TSPAN2: variants seen among roughly 807,000 people sequenced by gnomAD.
The protein encoded by TSPAN2 is tetraspanin 2.
In TSPAN2, 24 loss-of-function variants were observed where a neutral mutation model predicts 33.3. That is an observed-to-expected ratio of 0.72 (90% CI 0.52 to 1.01). The LOEUF (loss-of-function observed/expected upper bound fraction) is 1.01. Among genes scored for constraint, TSPAN2 ranks in the 50% least tolerant of loss-of-function variants. TSPAN2 has a pLI of 0.00. For missense variants in TSPAN2, 278 were observed against 281.3 expected, an observed-to-expected ratio of 0.99 and a Z score of 0.08; for synonymous variants, 114 against 104.5, an observed-to-expected ratio of 1.09 and a Z score of -0.56.
At chr1:115,070,924 A>G (rs996355686) in intron 2 of TSPAN2, among the ~76,000 whole-genome samples, 1 of 152,224 alleles carries the variant, frequency 6.6e-6, no homozygotes, top group Non-Finnish European at 1.5e-5. Context: ...AGCAGAGCCC[A>G]GGACTGTGAA....
chr1:115,072,013 TG>T (rs948861556), intron 2 of TSPAN2, among the ~76,000 whole-genome samples: 1 of 152,194 alleles, frequency 6.6e-6, no homozygotes, highest in African/African-American at 2.4e-5. Context: ...ACTCTATGGC[TG>T]GTGCAGATCC....
At chr1:115,080,465 G>A (rs1224048827) in intron 1 of TSPAN2, among the ~76,000 whole-genome samples, 1 of 152,094 alleles carries the variant, frequency 6.6e-6, no homozygotes, top group Non-Finnish European at 1.5e-5. Flanking sequence ...GGTAGAGATG[G>A]GGCCTTACTT....
At chr1:115,050,833 G>C (rs1213964645) in intron 7 of TSPAN2, among the ~76,000 whole-genome samples, 1 of 152,168 alleles carries the variant, frequency 6.6e-6, no homozygotes, top group Non-Finnish European at 1.5e-5. Context: ...CTGAATACCT[G>C]TGAAAGACAG....
rs964312000 is a variant in TSPAN2, at chr1:115,049,344, G to A, written c.*1146C>T. 3.3e-5 allele frequency: 5 copies of A among 152,576 alleles called. No homozygotes were observed. The highest frequency in any genetic ancestry group is 9.7e-5 in the African/African-American group (4 of 41,438). 9.5% of individuals were successfully genotyped at this position (152,576 alleles called of 1,614,324 possible). A position where few individuals can be genotyped will look rare whatever the true frequency, so the allele number is the denominator to read the frequency against. ...TGCCCACACACAACTAGGAGAAGATGCTTTTCTTTATTTTGGTTTGGCCAA... is the reference window on the plus strand; with the variant it reads ...TGCCCACACACAACTAGGAGAAGATACTTTTCTTTATTTTGGTTTGGCCAA... On this transcript the variant is annotated 3_prime_UTR_variant, in exon 8 of 8. Transcript: ENST00000369516.
In TSPAN2 at chr1:115,058,966, G is replaced by A; in HGVS notation, c.361C>T (p.Gln121Ter). 2 of 1,613,706 alleles carry A rather than the reference G, an allele frequency of 1.2e-6. No individual in the cohort carries two copies. Among genetic ancestry groups the A allele is most frequent in the Non-Finnish European group, 1.7e-6 (2 of 1,179,790 alleles). ...IGKGVAIRHV[Q>*]TMYEEAYNDY... ...TTGTAAGCCTCTTCATACATGGTCT[G>A]AACATGTCGGATAGCCTGAAGAAAT... Residue 121 changes from glutamine to a stop codon, truncating the protein, a stop_gained, in exon 5 of 8, where the codon CAG (glutamine) becomes TAG (stop). Transcript: ENST00000369516. LOFTEE classifies it high-confidence loss of function.
rs558109424 is a variant in TSPAN2, at chr1:115,058,904, T to A, written c.423A>T (p.Thr141=). Residue 141 remains threonine (T), a synonymous_variant, in exon 5 of 8, where the codon ACA becomes ACT. Transcript: ENST00000369516. ...YLKDRGKGNG[T]LITFHSTFQC... Reference sequence around the variant, plus strand: ...TCACTGTTGAGTGGAAGGTGATGAGTGTCCCATTGCCTTTTCCCCTGTCTT... The same window carrying A: ...TCACTGTTGAGTGGAAGGTGATGAGAGTCCCATTGCCTTTTCCCCTGTCTT... 6.2e-7 allele frequency: 1 copy of A among 1,613,702 alleles called. No individual in the cohort carries two copies. The highest frequency in any genetic ancestry group is 1.1e-5 in the South Asian group (1 of 91,082).
chr1:115,053,337 C>A (rs774670222), intron 7 of TSPAN2, 42 bp downstream of exon 7: 10 of 1,572,232 alleles, frequency 6.4e-6, no homozygotes, highest in Non-Finnish European at 8.8e-6. Flanking sequence ...AGTTTCAAGG[C>A]TTTTTAGAGG....
chr1:115,072,983 A>T lies in TSPAN2; in HGVS notation c.94T>A (p.Phe32Ile), dbSNP rs1322963448. The change falls in exon 2 of 8, where the codon TTT becomes ATT. Residue 32 changes from phenylalanine to isoleucine, a missense_variant. By Grantham distance (21) the Phe-to-Ile change is conservative. Transcript: ENST00000369516. ...CCTCCGAACCGAAACCATAGTCCAAAAGCAATGACGGCCGATCCAGCCAGC... is the reference window on the plus strand; with the variant it reads ...CCTCCGAACCGAAACCATAGTCCAATAGCAATGACGGCCGATCCAGCCAGC... ...FWLAGSAVIA[F>I]GLWFRFGGAI... 1 of 1,614,156 alleles carries T rather than the reference A, an allele frequency of 6.2e-7. No individual in the cohort carries two copies. The highest frequency in any genetic ancestry group is 1.1e-5 in the South Asian group (1 of 91,080).
chr1:115,066,231 T>C (rs1008228678), intron 2 of TSPAN2, among the ~76,000 whole-genome samples: 3 of 152,202 alleles, frequency 2.0e-5, no homozygotes, highest in East Asian at 1.9e-4. Context: ...GTCTCTTTGA[T>C]TTACTGATTT....
At chr1:115,062,721 T>G (rs1215722242) in intron 2 of TSPAN2, among the ~76,000 whole-genome samples, 1 of 152,246 alleles carries the variant, frequency 6.6e-6, no homozygotes. Context: ...GGTCTCTATT[T>G]CATTTTTTGC....
Position 115,053,398 on chromosome 1 carries a change from A to G in TSPAN2, c.581T>C (p.Ile194Thr), listed in dbSNP as rs1309006990. 4 of 1,614,014 alleles carry G rather than the reference A, an allele frequency of 2.5e-6. No homozygotes were observed. Among genetic ancestry groups the G allele is most frequent in the Non-Finnish European group, 3.4e-6 (4 of 1,179,914 alleles). The change falls in exon 7 of 8, where the codon ATT becomes ACT. Residue 194 changes from isoleucine to threonine, a missense_variant. Coordinates refer to ENST00000369516, the MANE Select transcript of TSPAN2 (RefSeq NM_005725.6). ...VKLQLIGIVG[I>T]GIAGLTIFGM... ...TCTCACCGTCAGACCTGCAATTCCA[A>G]TACCGACAATTCCAATGAGCTGGAG... is the stretch of plus-strand genomic sequence containing the variant.
intron 3 of TSPAN2, among the ~76,000 whole-genome samples, chr1:115,060,909 C>CA (rs1647692264): frequency 6.6e-6 from 1 of 152,166 alleles, no homozygotes; most frequent in Non-Finnish European, 1.5e-5. Context: ...TTGACGAACA[C>CA]AAAAGACCTA....
At chr1:115,064,323 A>C (rs1185343579) in intron 2 of TSPAN2, among the ~76,000 whole-genome samples, 1 of 152,166 alleles carries the variant, frequency 6.6e-6, no homozygotes, top group Non-Finnish European at 1.5e-5. Context: ...CCTTCATGGA[A>C]TGTCTCCTGG....
rs1016564075 is a variant in TSPAN2 at position 115,062,154 on chromosome 1, G to A, written c.251C>T (p.Ser84Leu). 5.6e-6 allele frequency: 9 copies of A among 1,595,404 alleles called. No homozygotes were observed. Among genetic ancestry groups the A allele is most frequent in the African/African-American group, 5.4e-5 (4 of 74,118 alleles). ...ACTTACTGATCCAAGCACACATTGC[G>A]ACTCCCGCATGGCTCCGCAGCACCC... ...FFGCCGAMRESQCVLGSFFTC... is the reference protein window; with the variant it reads ...FFGCCGAMRELQCVLGSFFTC... The change falls in exon 3 of 8, where the codon TCG becomes TTG. Residue 84 changes from serine (S) to leucine (L), a missense_variant. Ser to Leu is a moderately radical substitution (Grantham distance 145). Transcript: ENST00000369516.
At chr1:115,083,384 C>T (rs1211019260) in intron 1 of TSPAN2, among the ~76,000 whole-genome samples, 3 of 152,048 alleles carry the variant, frequency 2.0e-5, no homozygotes, top group East Asian at 1.9e-4. Flanking sequence ...CAAGTATTAG[C>T]GTAAAAAAGA....
chr1:115,057,304 T>G (rs1262257982), intron 6 of TSPAN2, among the ~76,000 whole-genome samples: 1 of 152,234 alleles, frequency 6.6e-6, no homozygotes, highest in Admixed American at 6.5e-5. Context: ...TCACCACTCC[T>G]GTAGTTGTCA....
At chr1:115,063,077 G>A (rs572028285) in intron 2 of TSPAN2, among the ~76,000 whole-genome samples, 2 of 152,272 alleles carry the variant, frequency 1.3e-5, no homozygotes, top group African/African-American at 4.8e-5. Flanking sequence ...AATTTCATGA[G>A]GGAATGGATG....
intron 1 of TSPAN2, among the ~76,000 whole-genome samples, chr1:115,088,524 G>A (rs184220997): frequency 1.3e-5 from 2 of 152,268 alleles, no homozygotes; most frequent in Non-Finnish European, 2.9e-5. Context: ...AGGGATGTAG[G>A]TCTGGTCTAG....
intron 2 of TSPAN2, among the ~76,000 whole-genome samples, chr1:115,068,793 T>C (rs550250502): frequency 6.6e-6 from 1 of 152,350 alleles, no homozygotes; most frequent in African/African-American, 2.4e-5. Flanking sequence ...TCTACAAACA[T>C]GTCTATTGTC....
Sources: gnomAD v4.1 joint callset for allele counts (sites outside exome capture counted in the v4.1 genomes callset) on GRCh38, gnomAD v4.1.1 for gene constraint, MANE v1.5 for transcripts, NCBI Gene and HGNC (gene_info 2026-07-23, HGNC 2026-07-21) for gene names.